Variants in NIBAN1 observed in about 807,000 individuals in gnomAD.
NIBAN1 encodes niban apoptosis regulator 1.
In NIBAN1, 81 loss-of-function variants were observed where a neutral mutation model predicts 75.1. That is an observed-to-expected ratio of 1.08 (90% CI 0.90 to 1.30). NIBAN1 has a LOEUF of 1.30. NIBAN1 is among the 50% of genes most tolerant of loss of function. The pLI is 0.00. For missense variants in NIBAN1, 1,133 were observed against 1,128.1 expected (o/e 1.00, Z -0.06); for synonymous variants, 436 against 424.8 (o/e 1.03, Z -0.32).
At chr1:184,928,155 G>A (rs234685) in intron 1 of NIBAN1, among the ~76,000 whole-genome samples, 29,867 of 152,030 alleles carry the variant, frequency 0.2, 6,552 homozygotes, top group African/African-American at 0.55. Context: ...TGGGAACTAG[G>A]GGCTGGAATG....
Position 184,823,343 on chromosome 1 carries a change from T to C in NIBAN1, c.823-14A>G, listed in dbSNP as rs1417946556. On this transcript the variant is annotated splice_polypyrimidine_tract_variant and intron_variant, in intron 7 of 13. Coordinates refer to ENST00000367511, the MANE Select transcript of NIBAN1 (RefSeq NM_052966.4). ...CTCCTCGAGGAGCTGCAACAAGGAA[T>C]AACACATAAATCAGGGCTCTGTCAC... 6.2e-7 allele frequency: 1 copy of C among 1,613,604 alleles called. No individual in the cohort carries two copies. Among genetic ancestry groups the C allele is most frequent in the Non-Finnish European group, 8.5e-7 (1 of 1,179,852 alleles).
intron 1 of NIBAN1, among the ~76,000 whole-genome samples, chr1:184,933,406 C>A (rs1247160532): frequency 6.6e-6 from 1 of 152,244 alleles, no homozygotes; most frequent in Admixed American, 6.5e-5. Context: ...CCTTTTGGAT[C>A]TGCCAAACCA....
chr1:184,902,031 T>C (rs1169979798), intron 1 of NIBAN1, among the ~76,000 whole-genome samples: 1 of 152,140 alleles, frequency 6.6e-6, no homozygotes, highest in Non-Finnish European at 1.5e-5. Flanking sequence ...AATAAATAAG[T>C]ACCCAATGTA....
chr1:184,924,143 T>C (rs948339214), intron 1 of NIBAN1, among the ~76,000 whole-genome samples: 1 of 152,242 alleles, frequency 6.6e-6, no homozygotes, highest in Non-Finnish European at 1.5e-5. Flanking sequence ...GGTGTCCTTG[T>C]TGTGTTTCAG....
At position 184,884,687 on chromosome 1, in the gene NIBAN1, C is replaced by G. The variant is rs1656468636; in HGVS notation, c.547G>C (p.Asp183His). The G allele has an allele frequency of 6.2e-7, 1 of 1,614,054 alleles. No individual in the cohort carries two copies. Among genetic ancestry groups the G allele is most frequent in the African/African-American group, 1.3e-5 (1 of 74,928 alleles). The change falls in exon 5 of 14, where the codon GAC becomes CAC. Residue 183 changes from aspartate (D) to histidine (H), a missense_variant. Coordinates refer to ENST00000367511, the MANE Select transcript of NIBAN1 (RefSeq NM_052966.4). Reference protein sequence around the residue: ...HGYFCFHEAADQKRFSALLSD... With the variant: ...HGYFCFHEAAHQKRFSALLSD... ...AGGAGGGCACTAAACCTCTTCTGGT[C>G]AGCAGCCTCGTGGAAGCAGAAGTAG...
At chr1:184,902,018 C>T (rs1656969099) in intron 1 of NIBAN1, among the ~76,000 whole-genome samples, 1 of 152,072 alleles carries the variant, frequency 6.6e-6, no homozygotes, top group Non-Finnish European at 1.5e-5. Context: ...CTATCTAAAT[C>T]CAAATAAATA....
At chr1:184,851,899 G>C (rs964624563) in intron 5 of NIBAN1, among the ~76,000 whole-genome samples, 1 of 150,558 alleles carries the variant, frequency 6.6e-6, no homozygotes, top group African/African-American at 2.5e-5. Flanking sequence ...CCTTTCCAGA[G>C]TCAAAATGGT....
intron 5 of NIBAN1, among the ~76,000 whole-genome samples, chr1:184,880,319 G>T (rs1057325243): frequency 5.3e-5 from 8 of 152,210 alleles, no homozygotes; most frequent in Admixed American, 5.2e-4. Flanking sequence ...CACCCACCAT[G>T]CTACCCTCTC....
chr1:184,863,951 A>G (rs1176904762), intron 5 of NIBAN1, among the ~76,000 whole-genome samples: 2 of 152,254 alleles, frequency 1.3e-5, no homozygotes, highest in African/African-American at 4.8e-5. Context: ...AGCATACATT[A>G]AACACTCAGT....
intron 1 of NIBAN1, among the ~76,000 whole-genome samples, chr1:184,928,280 T>C (rs1034552202): frequency 6.6e-6 from 1 of 152,158 alleles, no homozygotes; most frequent in Admixed American, 6.5e-5. Flanking sequence ...AAGGAGTCTT[T>C]CCAGGAGATG....
At position 184,871,811 on chromosome 1, in the gene NIBAN1, A is replaced by C. The variant is rs1340830590; in HGVS notation, c.601+12822T>G. Among the ~76,000 whole-genome samples the C allele has an allele frequency of 2.6e-5, 4 of 152,200 alleles. No homozygotes were observed. The East Asian group carries it at 7.7e-4, about 29-fold the overall frequency. ...CACGGTCTTAGCCCATTCTAAGGAA[A>C]ATTGTCTGTCTCAAACCTAGGCATT... is the stretch of plus-strand genomic sequence containing the variant. On this transcript the variant is annotated intron_variant, in intron 5 of 13. Coordinates refer to ENST00000367511, the MANE Select transcript of NIBAN1 (RefSeq NM_052966.4).
At chr1:184,967,693 C>G (rs1352466227) in intron 1 of NIBAN1, among the ~76,000 whole-genome samples, 3 of 152,074 alleles carry the variant, frequency 2.0e-5, no homozygotes, top group Non-Finnish European at 4.4e-5. Context: ...ACTAGAGCAC[C>G]TTTGATGATG....
chr1:184,937,145 C>CTTTTTTTTT (rs138240427), intron 1 of NIBAN1, among the ~76,000 whole-genome samples: 7 of 92,126 alleles, frequency 7.6e-5, no homozygotes, highest in East Asian at 3.1e-4. Context: ...TAGCTGGATT[C>CTTTTTTTTT]TTTTTTTTTT....
intron 1 of NIBAN1, among the ~76,000 whole-genome samples, chr1:184,954,350 T>G (rs1658431285): frequency 6.6e-6 from 1 of 152,096 alleles, no homozygotes; most frequent in African/African-American, 2.4e-5. Flanking sequence ...GAAAAAGGGG[T>G]AGTCATGTGA....
At chr1:184,954,719 A>G (rs142098738) in intron 1 of NIBAN1, among the ~76,000 whole-genome samples, 1 of 152,280 alleles carries the variant, frequency 6.6e-6, no homozygotes, top group East Asian at 1.9e-4. Flanking sequence ...AATCTTGGAA[A>G]TGTTTGGTTT....
In NIBAN1 at chr1:184,803,605, G is replaced by C. The variant is rs766541309; in HGVS notation, c.1534C>G (p.Leu512Val). Residue 512 changes from leucine (L) to valine (V), a missense_variant, in exon 12 of 14, where the codon CTG becomes GTG. By Grantham distance (32) the Leu-to-Val change is conservative. Transcript: ENST00000367511. ...QITLPTVQKA[L>V]ASTCKPELQK... ...CTTACTGGTTTGCATGTGGACGCCA[G>C]TGCCTTCTGCACAGTGGGAAGTGTG... 1.2e-6 allele frequency: 2 copies of C among 1,614,144 alleles called. No individual in the cohort carries two copies. The highest frequency in any genetic ancestry group is 1.7e-6 in the Non-Finnish European group (2 of 1,179,962).
At chr1:184,838,107 A>C (rs1428360944) in intron 5 of NIBAN1, among the ~76,000 whole-genome samples, 1 of 151,914 alleles carries the variant, frequency 6.6e-6, no homozygotes, top group Non-Finnish European at 1.5e-5. Flanking sequence ...CACACTGTTG[A>C]CTCCTGTCTT....
In NIBAN1 at chr1:184,924,921, C is replaced by T. The variant is rs567980923; in HGVS notation, c.56-25612G>A. ...TTTTATTTGGGTCTTGTCTTTTTTT[C>T]TTAGTCTGACTAAAGTTTGTCAATT... On this transcript the variant is annotated intron_variant, in intron 1 of 13. Transcript: ENST00000367511. 3.3e-5 allele frequency among the ~76,000 whole-genome samples: 5 copies of T among 151,910 alleles called. No homozygotes were observed. In the East Asian group the frequency reaches 9.7e-4, roughly 29 times the overall value.
intron 5 of NIBAN1, among the ~76,000 whole-genome samples, chr1:184,867,157 C>T (rs1655978036): frequency 6.6e-6 from 1 of 151,756 alleles, no homozygotes; most frequent in Non-Finnish European, 1.5e-5. Context: ...CTCGGTCTCT[C>T]TCTCTCTCTC....
Sources: allele counts gnomAD v4.1 joint callset (sites outside exome capture counted in the v4.1 genomes callset), GRCh38; gene constraint gnomAD v4.1.1; transcripts MANE v1.5; gene names NCBI Gene and HGNC (gene_info 2026-07-23, HGNC 2026-07-21).